ARSJ: variants seen among roughly 807,000 people sequenced by gnomAD.
ARSJ encodes the protein arylsulfatase family member J, also known as arylsulfatase J.
Under a neutral mutation model 35.9 loss-of-function variants are expected in ARSJ, and 26 were observed. The observed-to-expected ratio is 0.72, with a 90% CI of 0.53 to 1.00. The LOEUF is 1.00. Among genes scored for constraint, ARSJ ranks in the 50% least tolerant of loss-of-function variants. The pLI is 0.00. For missense variants in ARSJ, 667 were observed against 723.6 expected (o/e 0.92, Z 0.90); for synonymous variants, 294 against 267.6 (o/e 1.10, Z -0.96).
rs769096416 is a variant in ARSJ at position 113,901,171 on chromosome 4, C to A, written c.*1103G>T. On this transcript the variant is annotated 3_prime_UTR_variant, in exon 2 of 2. Transcript: ENST00000315366. ...GCTAGAAGTTAGATCAGAAAAGCCA[C>A]AGTAAATTTTCTAGTGCCATAAAGT... 2.0e-5 allele frequency: 3 copies of A among 152,220 alleles called. No individual in the cohort carries two copies. The highest frequency in any genetic ancestry group is 4.4e-5 in the Non-Finnish European group (3 of 67,992). 9.4% of individuals were successfully genotyped at this position (152,220 alleles called of 1,614,324 possible). A position where few individuals can be genotyped will look rare whatever the true frequency, so the allele number is the denominator to read the frequency against.
At position 113,902,082 on chromosome 4, in the gene ARSJ, A is replaced by G; in HGVS notation, c.*192T>C. On this transcript the variant is annotated 3_prime_UTR_variant, in exon 2 of 2. Transcript: ENST00000315366. ...CTCTCTAAGTGTGGCTTGCAAGAGT[A>G]GCACCTTGGCACTGAGCAGGACAGT... is the stretch of plus-strand genomic sequence containing the variant. The G allele has an allele frequency of 1.3e-6, 2 of 1,545,972 alleles. No individual in the cohort carries two copies. The highest frequency in any genetic ancestry group is 1.7e-6 in the Non-Finnish European group (2 of 1,147,244).
chr4:113,970,556 C>G (rs1202674176), intron 1 of ARSJ: 2 of 152,270 alleles, frequency 1.3e-5, no homozygotes, highest in East Asian at 3.9e-4. Flanking sequence ...AAAATTATTT[C>G]TTTTCCTATT....
At chr4:113,969,368 T>C (rs988688646) in intron 1 of ARSJ, among the ~76,000 whole-genome samples, 1 of 69,008 alleles carries the variant, frequency 1.4e-5, no homozygotes, top group African/African-American at 5.3e-5. Flanking sequence ...TTTTAACCCT[T>C]TTTTTAATCA....
Position 113,902,595 on chromosome 4 carries a change from TAC to T in ARSJ, c.1477_1478del (p.Val493MetfsTer11), listed in dbSNP as rs1292969065. On this transcript the variant is annotated frameshift_variant, in exon 2 of 2. Coordinates refer to ENST00000315366, the MANE Select transcript of ARSJ (RefSeq NM_024590.4). LOFTEE classifies it low-confidence loss of function (END_TRUNC). ...GGTCGGCTGTGATGTTGAAAAGCCA[TAC>T]ACTTTTGCCAGTTGACAAGGTGATC... ...ERITLSTGKS[V>X]WLFNITADPY... 6.2e-7 allele frequency: 1 copy of T among 1,614,168 alleles called. No individual in the cohort carries two copies. The highest frequency in any genetic ancestry group is 8.5e-7 in the Non-Finnish European group (1 of 1,180,030).
chr4:113,949,356 C>T lies in ARSJ; in HGVS notation c.398+29081G>A, dbSNP rs76415432. On this transcript the variant is annotated intron_variant, in intron 1 of 1. Coordinates refer to ENST00000315366, the MANE Select transcript of ARSJ (RefSeq NM_024590.4). ...TATAATAATAATAATAAAACAACAACAACAAAACGAAATATGCTACATCTT... is the reference window on the plus strand; with the variant it reads ...TATAATAATAATAATAAAACAACAATAACAAAACGAAATATGCTACATCTT... Among the ~76,000 whole-genome samples, 1,205 of 152,116 alleles carry T rather than the reference C, an allele frequency of 7.9e-3. 17 individuals are homozygous for T. Among genetic ancestry groups the T allele is most frequent in the African/African-American group, 0.027 (1,137 of 41,528 alleles).
Position 113,903,248 on chromosome 4 carries a change from C to T in ARSJ, c.826G>A (p.Gly276Ser), listed in dbSNP as rs1038854752. 6 of 1,614,026 alleles carry T rather than the reference C, an allele frequency of 3.7e-6. No homozygotes were observed. In the African/African-American group the frequency reaches 8.0e-5, roughly 22 times the overall value. The change falls in exon 2 of 2, where the codon GGC becomes AGC. Residue 276 changes from glycine (G) to serine (S), a missense_variant. By Grantham distance (56) the Gly-to-Ser change is moderately conservative. Transcript: ENST00000315366. ...GATCGGTAGTGTTCGAAATACCTGC[C>T]AGGAGCTTGCAGTGGTGAATGAACA... ...QAVHSPLQAP[G>S]RYFEHYRSII...
chr4:113,902,840 G>A lies in ARSJ; in HGVS notation c.1234C>T (p.Arg412Cys), dbSNP rs1276080356. Residue 412 changes from arginine to cysteine, a missense_variant, in exon 2 of 2, where the codon CGC becomes TGC. Coordinates refer to ENST00000315366, the MANE Select transcript of ARSJ (RefSeq NM_024590.4). ...DIWETISEGL[R>C]SPRVDILHNI... ...TGCAAAATATCTACTCGGGGTGAGC[G>A]AAGACCCTCACTTATGGTCTCCCAG... is the stretch of plus-strand genomic sequence containing the variant. The A allele has an allele frequency of 4.3e-6, 7 of 1,613,986 alleles. No individual in the cohort carries two copies. The highest frequency in any genetic ancestry group is 4.5e-5 in the East Asian group (2 of 44,888).
intron 1 of ARSJ, among the ~76,000 whole-genome samples, chr4:113,910,462 A>G (rs2099670115): frequency 6.6e-6 from 1 of 152,196 alleles, no homozygotes; most frequent in African/African-American, 2.4e-5. Flanking sequence ...GTAGAAATTC[A>G]TATTTTGAAG....
chr4:113,927,192 G>T (rs1300843882), intron 1 of ARSJ, among the ~76,000 whole-genome samples: 1 of 152,062 alleles, frequency 6.6e-6, no homozygotes, highest in African/African-American at 2.4e-5. Flanking sequence ...GTTGTAGGAG[G>T]GGCCAAATGC....
intron 1 of ARSJ, among the ~76,000 whole-genome samples, chr4:113,905,684 TTTTTAG>T (rs2099668513): frequency 1.5e-5 from 2 of 130,270 alleles, no homozygotes; most frequent in South Asian, 2.8e-4. Flanking sequence ...TTTTTTTTTT[TTTTTAG>T]ACAGTCTCGC....
At position 113,903,010 on chromosome 4, in the gene ARSJ, G is replaced by C. The variant is rs1450502826; in HGVS notation, c.1064C>G (p.Ala355Gly). 6.2e-7 allele frequency: 1 copy of C among 1,614,158 alleles called. No homozygotes were observed. The highest frequency in any genetic ancestry group is 1.3e-5 in the African/African-American group (1 of 75,034). Residue 355 changes from alanine to glycine, a missense_variant, in exon 2 of 2, where the codon GCT (alanine) becomes GGT (glycine). By Grantham distance (60) the Ala-to-Gly change is moderately conservative (BLOSUM62 0). Coordinates refer to ENST00000315366, the MANE Select transcript of ARSJ (RefSeq NM_024590.4). ...AAGTGGGCTATGCACAAAGCCTACA[G>C]CCCGGATCCCTCCTTCCCAATATGT... ...KGTYWEGGIR[A>G]VGFVHSPLLK...
intron 1 of ARSJ, among the ~76,000 whole-genome samples, chr4:113,920,573 A>G (rs1291732721): frequency 6.6e-6 from 1 of 152,140 alleles, no homozygotes; most frequent in African/African-American, 2.4e-5. Flanking sequence ...GACTTTTTTT[A>G]GCCACTAAAA....
chr4:113,946,768 G>C (rs564897674), intron 1 of ARSJ, among the ~76,000 whole-genome samples: 1 of 152,008 alleles, frequency 6.6e-6, no homozygotes, highest in Non-Finnish European at 1.5e-5. Context: ...TTCAGTAGCC[G>C]TTCCATGAGG....
rs79355896 is a variant in ARSJ, at chr4:113,975,060, A to G, written c.398+3377T>C. The stretch of plus-strand genomic sequence containing the variant: ...TGCTAAAAGAAACCAGACATAGAAG[A>G]GTACCCTCTCTGTAATTCCATTTGT... On this transcript the variant is annotated intron_variant, in intron 1 of 1. Transcript: ENST00000315366. Among the ~76,000 whole-genome samples the G allele has an allele frequency of 6.0e-4, 92 of 152,288 alleles. 2 individuals carry two copies. In the East Asian group the frequency reaches 0.016, roughly 27 times the overall value.
intron 1 of ARSJ, among the ~76,000 whole-genome samples, chr4:113,936,068 C>G (rs1724748210): frequency 6.6e-6 from 1 of 151,958 alleles, no homozygotes. Context: ...ACTTGCCCCT[C>G]ATTTGCTGCC....
rs76658981 is a variant in ARSJ, at chr4:113,972,360, A to G, written c.398+6077T>C. Among the ~76,000 whole-genome samples the G allele has an allele frequency of 0.013, 1,963 of 151,358 alleles. 118 individuals carry two copies. The East Asian group carries it at 0.16, about 12-fold the overall frequency. On this transcript the variant is annotated intron_variant, in intron 1 of 1. Transcript: ENST00000315366. ...ATCCCTATTTATTTAAGTCTTTACC[A>G]AAATTTCAAACTTTCCAATATATTT... is the stretch of plus-strand genomic sequence containing the variant.
chr4:113,912,737 G>A (rs1594394121), intron 1 of ARSJ, among the ~76,000 whole-genome samples: 1 of 10,700 alleles, frequency 9.3e-5, no homozygotes, highest in Admixed American at 6.5e-4. Context: ...AAATGAGAAT[G>A]TGTGTGTGTG....
At chr4:113,965,230 TC>T (rs1053555820) in intron 1 of ARSJ, among the ~76,000 whole-genome samples, 5 of 152,138 alleles carry the variant, frequency 3.3e-5, no homozygotes, top group Non-Finnish European at 4.4e-5. Context: ...TCTTCCAACT[TC>T]CCAAAACTGT....
At chr4:113,906,754 T>G in intron 1 of ARSJ, 1 of 456,052 alleles carries the variant, frequency 2.2e-6, no homozygotes, top group Non-Finnish European at 4.4e-6. Context: ...ATCTGTAAAA[T>G]AGGGATAATA....
Sources: allele counts gnomAD v4.1 joint callset (sites outside exome capture counted in the v4.1 genomes callset), GRCh38; gene constraint gnomAD v4.1.1; transcripts MANE v1.5; gene names NCBI Gene and HGNC (gene_info 2026-07-23, HGNC 2026-07-21).